The following NPAS3 variants were observed in gnomAD, a reference collection of about 807,000 sequenced individuals.
NPAS3 encodes neuronal PAS domain-containing protein 3.
Under a neutral mutation model 73.1 loss-of-function variants are expected in NPAS3, and 14 were observed. That is an observed-to-expected ratio of 0.19 (90% CI 0.13 to 0.30). The LOEUF (loss-of-function observed/expected upper bound fraction) is 0.30, where lower values mean the gene tolerates loss of function less well. Ranked by LOEUF, NPAS3 falls within the 10% of genes least tolerant of loss-of-function variation. The pLI is 1.00. For missense variants in NPAS3, 1,096 were observed against 1,250.0 expected (o/e 0.88, Z 1.86); for synonymous variants, 620 against 541.5 (o/e 1.14, Z -2.01).
At chr14:33,729,520 A>G (rs1458950059) in intron 6 of NPAS3, among the ~76,000 whole-genome samples, 4 of 152,150 alleles carry the variant, frequency 2.6e-5, no homozygotes, top group African/African-American at 4.8e-5. Context: ...TGAGGTTGCA[A>G]TTGAGATGGC....
chr14:32,954,135 AG>A (rs2036587131), intron 1 of NPAS3, among the ~76,000 whole-genome samples: 1 of 152,198 alleles, frequency 6.6e-6, no homozygotes, highest in South Asian at 2.1e-4. Flanking sequence ...AAAATGATGA[AG>A]GTTCCAAATA....
chr14:33,416,561 C>A (rs1050609285), intron 4 of NPAS3, among the ~76,000 whole-genome samples: 3 of 151,652 alleles, frequency 2.0e-5, no homozygotes, highest in Admixed American at 1.3e-4. Flanking sequence ...TTAAAACTAC[C>A]CATTTCTGAT....
chr14:33,012,978 A>G (rs1178564681), intron 1 of NPAS3, among the ~76,000 whole-genome samples: 1 of 152,214 alleles, frequency 6.6e-6, no homozygotes, highest in African/African-American at 2.4e-5. Flanking sequence ...GGACTGAGAA[A>G]GCAGTGGGAA....
At chr14:33,741,390 G>A (rs1343479373) in intron 7 of NPAS3, among the ~76,000 whole-genome samples, 1 of 152,086 alleles carries the variant, frequency 6.6e-6, no homozygotes, top group Non-Finnish European at 1.5e-5. Flanking sequence ...AATCAACCCA[G>A]ACACCCAAGA....
At chr14:33,784,741 A>ATTTTTTTTTTTTTTT (rs1325282410) in intron 9 of NPAS3, among the ~76,000 whole-genome samples, 24 of 72,762 alleles carry the variant, frequency 3.3e-4, no homozygotes, top group African/African-American at 4.8e-4. Context: ...TTATTTATTT[A>ATTTTTTTTTTTTTTT]TTTATTTTTT....
At chr14:33,361,003 G>A (rs562923617) in intron 3 of NPAS3, among the ~76,000 whole-genome samples, 53 of 152,098 alleles carry the variant, frequency 3.5e-4, no homozygotes, top group Non-Finnish European at 6.5e-4. Flanking sequence ...GGGGAAGTGT[G>A]GGTTCTCTCA....
intron 3 of NPAS3, among the ~76,000 whole-genome samples, chr14:33,346,521 C>T (rs1193584015): frequency 4.8e-5 from 5 of 105,196 alleles, no homozygotes; most frequent in African/African-American, 2.3e-4. Flanking sequence ...CAGTGAGACC[C>T]TGTCTCAAAA....
At chr14:33,649,249 G>A (rs960959140) in intron 5 of NPAS3, among the ~76,000 whole-genome samples, 1 of 152,082 alleles carries the variant, frequency 6.6e-6, no homozygotes, top group Non-Finnish European at 1.5e-5. Flanking sequence ...ACTCACATGG[G>A]GCTGTTTAAC....
At position 33,799,807 on chromosome 14, in the gene NPAS3, G is replaced by C. The variant is rs146419048; in HGVS notation, c.1500G>C (p.Arg500=). ...ACAGCGAAGACCCGGAGCCCGACCG[G>C]AAGAAGTCGGGCAACGCGTGTGACA... The change falls in exon 12 of 12, where the codon CGG becomes CGC. Residue 500 remains arginine (R), a synonymous_variant. Transcript: ENST00000356141. The C allele has an allele frequency of 2.4e-3, 3,819 of 1,613,604 alleles. 6 individuals are homozygous for C. Among genetic ancestry groups the C allele is most frequent in the Non-Finnish European group, 2.7e-3 (3,202 of 1,179,782 alleles).
chr14:33,382,063 G>A (rs937139648), intron 4 of NPAS3, among the ~76,000 whole-genome samples: 6 of 152,108 alleles, frequency 3.9e-5, no homozygotes, highest in African/African-American at 9.7e-5. Context: ...GCTATGTTTG[G>A]GAGGGGGGCA....
At chr14:32,981,421 G>T (rs551729582) in intron 1 of NPAS3, among the ~76,000 whole-genome samples, 5 of 152,144 alleles carry the variant, frequency 3.3e-5, no homozygotes, top group African/African-American at 7.2e-5. Flanking sequence ...GAAATGAAAT[G>T]AATCTACCTC....
intron 5 of NPAS3, among the ~76,000 whole-genome samples, chr14:33,639,578 G>A (rs922493965): frequency 6.6e-6 from 1 of 152,130 alleles, no homozygotes; most frequent in African/African-American, 2.4e-5. Flanking sequence ...GTTCAGGAGT[G>A]TGACCCTTTC....
At chr14:33,506,403 C>T (rs1175374804) in intron 4 of NPAS3, among the ~76,000 whole-genome samples, 28 of 152,100 alleles carry the variant, frequency 1.8e-4, no homozygotes, top group South Asian at 2.1e-4. Flanking sequence ...GTGAAAGATA[C>T]TATCCAAGTG....
intron 6 of NPAS3, among the ~76,000 whole-genome samples, chr14:33,694,997 T>C (rs1228495211): frequency 6.6e-6 from 1 of 152,176 alleles, no homozygotes; most frequent in Non-Finnish European, 1.5e-5. Flanking sequence ...TGCCTGGCTG[T>C]TGAGTTTAGG....
intron 5 of NPAS3, among the ~76,000 whole-genome samples, chr14:33,642,086 T>C (rs1422005398): frequency 6.6e-6 from 1 of 152,176 alleles, no homozygotes; most frequent in African/African-American, 2.4e-5. Context: ...AAAGCCTATT[T>C]ATAATTCTAT....
intron 5 of NPAS3, among the ~76,000 whole-genome samples, chr14:33,649,582 T>G (rs111464879): frequency 4.0e-4 from 61 of 152,350 alleles, no homozygotes; most frequent in African/African-American, 1.3e-3. Flanking sequence ...TTGGTTATTG[T>G]GTCGGATGCA....
chr14:32,951,084 T>C (rs2036465951), intron 1 of NPAS3, among the ~76,000 whole-genome samples: 1 of 152,114 alleles, frequency 6.6e-6, no homozygotes, highest in African/African-American at 2.4e-5. Context: ...TGCAGCAGCA[T>C]GGAATGGCAT....
chr14:32,989,517 G>C lies in NPAS3; in HGVS notation c.50+50151G>C, dbSNP rs149675915. Among the ~76,000 whole-genome samples the C allele has an allele frequency of 3.9e-5, 6 of 152,172 alleles. No individual in the cohort carries two copies. The East Asian group carries it at 5.8e-4, about 15-fold the overall frequency. On this transcript the variant is annotated intron_variant, in intron 1 of 11. Transcript: ENST00000356141. ...AAATTAGCCGGGCGAGGTGGCGGGC[G>C]CCTGTAGTCCCAGCTACGCGGCAGG...
chr14:32,973,479 G>C (rs1472924337), intron 1 of NPAS3, among the ~76,000 whole-genome samples: 1 of 150,062 alleles, frequency 6.7e-6, no homozygotes, highest in African/African-American at 2.4e-5. Flanking sequence ...TTGTTAGTAA[G>C]TTTGGAATTG....
Sources: allele counts gnomAD v4.1 joint callset (sites outside exome capture counted in the v4.1 genomes callset), GRCh38; gene constraint gnomAD v4.1.1; transcripts MANE v1.5; gene names NCBI Gene and HGNC (gene_info 2026-07-23, HGNC 2026-07-21).